The following CTNNA2 variants were observed in gnomAD, a reference collection of about 807,000 sequenced individuals.
CTNNA2 encodes the protein catenin alpha 2, also known as catenin alpha-2.
Under a neutral mutation model 101.0 loss-of-function variants are expected in CTNNA2, and 42 were observed. The observed-to-expected ratio is 0.42, with a 90% CI of 0.32 to 0.54. CTNNA2 has a LOEUF of 0.54. Ranked by LOEUF, CTNNA2 falls within the 20% of genes least tolerant of loss-of-function variation. The pLI is 0.14. For synonymous variants in CTNNA2, 450 were observed against 456.4 expected (o/e 0.99, Z 0.18); for missense variants, 871 against 1,223.1 (o/e 0.71, Z 4.29).
chr2:79,676,538 A>G (rs76973352), intron 2 of CTNNA2, among the ~76,000 whole-genome samples: 4,533 of 152,212 alleles, frequency 0.03, 223 homozygotes, highest in African/African-American at 0.1. Context: ...GCCCATTCCC[A>G]TGCCTAGGTG....
chr2:79,213,361 G>C (rs181009552), intron 2 of CTNNA2, among the ~76,000 whole-genome samples: 1 of 152,260 alleles, frequency 6.6e-6, no homozygotes, highest in African/African-American at 2.4e-5. Context: ...TGTGTAGTGA[G>C]GAAACCTCTT....
chr2:79,393,628 G>GGAA (rs1553408186), intron 4 of CTNNA2, among the ~76,000 whole-genome samples: 2 of 89,034 alleles, frequency 2.2e-5, no homozygotes. Context: ...TGTTCACAGA[G>GGAA]AAAAAAAAAA....
Position 79,635,510 on chromosome 2 carries a change from CT to C in CTNNA2, c.-5-16032del, listed in dbSNP as rs535206083. Among the ~76,000 whole-genome samples the C allele has an allele frequency of 8.3e-4, 122 of 147,514 alleles. 1 individual carries two copies. In the East Asian group the frequency reaches 0.019, roughly 23 times the overall value. On this transcript the variant is annotated intron_variant, in intron 1 of 18. Coordinates refer to ENST00000402739, the MANE Select transcript of CTNNA2 (RefSeq NM_001282597.3). Reference sequence around the variant, plus strand: ...TTGATACATGATAGTTCTTCTTCTTCTTTTTTTTTTGAGATGGAGTTTCACT... The same window carrying C: ...TTGATACATGATAGTTCTTCTTCTTCTTTTTTTTTGAGATGGAGTTTCACT...
At chr2:79,261,250 AT>A (rs1187287430) in intron 2 of CTNNA2, among the ~76,000 whole-genome samples, 1 of 152,168 alleles carries the variant, frequency 6.6e-6, no homozygotes, top group Non-Finnish European at 1.5e-5. Context: ...AACACTTATA[AT>A]TATTCACCAG....
intron 8 of CTNNA2, among the ~76,000 whole-genome samples, chr2:80,401,241 A>G (rs1278554322): frequency 6.6e-6 from 1 of 152,180 alleles, no homozygotes; most frequent in African/African-American, 2.4e-5. Context: ...CCTGCACCAC[A>G]CAGGTGCTGA....
intron 7 of CTNNA2, among the ~76,000 whole-genome samples, chr2:79,996,760 G>C (rs1356752764): frequency 6.6e-6 from 1 of 151,844 alleles, no homozygotes; most frequent in African/African-American, 2.4e-5. Flanking sequence ...ATCAGGCCCT[G>C]GAACGTGGTG....
intron 2 of CTNNA2, among the ~76,000 whole-genome samples, chr2:79,266,639 G>T (rs559909773): frequency 6.6e-6 from 1 of 152,114 alleles, no homozygotes; most frequent in Non-Finnish European, 1.5e-5. Flanking sequence ...GATCTCGGTG[G>T]TGGTGGTAAG....
chr2:79,544,363 G>A (rs1673602196), intron 1 of CTNNA2, among the ~76,000 whole-genome samples: 1 of 152,166 alleles, frequency 6.6e-6, no homozygotes, highest in Admixed American at 6.5e-5. Flanking sequence ...GACTATTTTG[G>A]CTTGGGAAGC....
At chr2:80,392,851 T>C (rs1002397545) in intron 7 of CTNNA2, among the ~76,000 whole-genome samples, 15 of 152,226 alleles carry the variant, frequency 9.9e-5, no homozygotes, top group Admixed American at 2.0e-4. Context: ...TATTCAGAAA[T>C]GTGCCTACAC....
chr2:79,849,145 T>C (rs564673762), intron 3 of CTNNA2, among the ~76,000 whole-genome samples: 7 of 152,270 alleles, frequency 4.6e-5, no homozygotes, highest in Admixed American at 4.6e-4. Flanking sequence ...TTGCACCTAA[T>C]TTATTGTTTT....
rs369268407 is a variant in CTNNA2 at position 79,280,623 on chromosome 2, C to CTGTGTGTGTGTGTGTG, written c.-405-32068_-405-32053dup. Among the ~76,000 whole-genome samples the CTGTGTGTGTGTGTGTG allele has an allele frequency of 4.9e-3, 630 of 129,160 alleles. 4 individuals are homozygous for CTGTGTGTGTGTGTGTG. Among genetic ancestry groups the CTGTGTGTGTGTGTGTG allele is most frequent in the African/African-American group, 0.018 (597 of 32,776 alleles). 84.7% of individuals were successfully genotyped at this position (129,160 alleles called of 152,430 possible). On this transcript the variant is annotated intron_variant, in intron 2 of 21. Coordinates refer to the CTNNA2 transcript ENST00000466387. ...AGTTGCCCAGCATTCATCCTGTATG[C>CTGTGTGTGTGTGTGTG]TGTGTGTGTGTGTGTGTGTGTGTGT...
intron 7 of CTNNA2, among the ~76,000 whole-genome samples, chr2:80,059,731 C>A (rs1162704219): frequency 1.3e-5 from 2 of 152,334 alleles, no homozygotes; most frequent in East Asian, 3.9e-4. Flanking sequence ...AACACACTTG[C>A]TCTCTTGCCC....
chr2:80,460,038 G>T (rs1684296091), intron 9 of CTNNA2, among the ~76,000 whole-genome samples: 1 of 152,100 alleles, frequency 6.6e-6, no homozygotes, highest in Admixed American at 6.5e-5. Context: ...AGATACTTAA[G>T]AAAATGTCAG....
intron 2 of CTNNA2, among the ~76,000 whole-genome samples, chr2:79,686,534 C>T (rs1224720445): frequency 6.6e-6 from 1 of 152,058 alleles, no homozygotes; most frequent in Non-Finnish European, 1.5e-5. Flanking sequence ...ACATAATGTG[C>T]ATACCCTGAG....
At chr2:80,254,528 C>T (rs1275552170) in intron 7 of CTNNA2, among the ~76,000 whole-genome samples, 2 of 152,118 alleles carry the variant, frequency 1.3e-5, no homozygotes, top group Admixed American at 1.3e-4. Flanking sequence ...ACACAGGTTT[C>T]CAGAGCTAAG....
At chr2:80,347,202 A>G (rs182621207) in intron 7 of CTNNA2, among the ~76,000 whole-genome samples, 164 of 152,352 alleles carry the variant, frequency 1.1e-3, no homozygotes, top group Non-Finnish European at 2.1e-4. Flanking sequence ...AAATGGCCTC[A>G]AAATCATGAA....
chr2:80,507,228 A>C (rs1204553017), intron 9 of CTNNA2, among the ~76,000 whole-genome samples: 2 of 152,198 alleles, frequency 1.3e-5, no homozygotes, highest in African/African-American at 2.4e-5. Flanking sequence ...ATACATGTAA[A>C]GTACTTAGCA....
intron 7 of CTNNA2, among the ~76,000 whole-genome samples, chr2:80,309,721 G>A (rs1677365028): frequency 6.7e-6 from 1 of 150,160 alleles, no homozygotes; most frequent in African/African-American, 2.5e-5. Flanking sequence ...TTGAGACGGA[G>A]TCTCGCACGG....
At chr2:79,499,605 A>G (rs1671298186) in intron 4 of CTNNA2, among the ~76,000 whole-genome samples, 1 of 152,172 alleles carries the variant, frequency 6.6e-6, no homozygotes, top group South Asian at 2.1e-4. Context: ...CCTATGTAAT[A>G]GGACCCCTCT....
Sources: gnomAD v4.1 joint callset for allele counts (sites outside exome capture counted in the v4.1 genomes callset) on GRCh38, gnomAD v4.1.1 for gene constraint, MANE v1.5 for transcripts, NCBI Gene and HGNC (gene_info 2026-07-23, HGNC 2026-07-21) for gene names.